SEMA3A: variants seen among roughly 807,000 people sequenced by gnomAD.
The protein encoded by SEMA3A is semaphorin-3A.
Under a neutral mutation model 97.9 loss-of-function variants are expected in SEMA3A, and 29 were observed. That is an observed-to-expected ratio of 0.30 (90% CI 0.22 to 0.40). SEMA3A has a LOEUF of 0.40. Ranked by LOEUF, SEMA3A falls within the 10% of genes least tolerant of loss-of-function variation. The pLI, the probability that SEMA3A is intolerant of heterozygous loss-of-function variation, is 1.00. For missense variants in SEMA3A, 763 were observed against 951.3 expected (o/e 0.80, Z 2.60); for synonymous variants, 321 against 323.7 (o/e 0.99, Z 0.09).
chr7:84,060,609 G>C, intron 4 of SEMA3A, 51 bp from the exon 5 acceptor site: 1 of 1,224,824 alleles, frequency 8.2e-7, no homozygotes, highest in Non-Finnish European at 1.1e-6. Flanking sequence ...ATATAAAAAT[G>C]AGTGTTTTCA....
chr7:84,470,705 C>CTT (rs552618310), intron 1 of SEMA3A, among the ~76,000 whole-genome samples: 30 of 149,344 alleles, frequency 2.0e-4, no homozygotes, highest in African/African-American at 7.1e-4. Flanking sequence ...CTCCAATTAT[C>CTT]TTTTTTTTTT....
At chr7:84,300,619 C>A in intron 3 of SEMA3A, among the ~76,000 whole-genome samples, 1 of 151,472 alleles carries the variant, frequency 6.6e-6, no homozygotes, top group African/African-American at 2.4e-5. Context: ...GACATAAAAG[C>A]AAAAACATTA....
At chr7:84,421,378 T>C (rs933498671) in intron 1 of SEMA3A, among the ~76,000 whole-genome samples, 1 of 151,962 alleles carries the variant, frequency 6.6e-6, no homozygotes. Flanking sequence ...CTAATGGGAG[T>C]TCTTCAAGTT....
intron 1 of SEMA3A, among the ~76,000 whole-genome samples, chr7:84,166,441 C>T (rs2116185662): frequency 6.6e-6 from 1 of 151,640 alleles, no homozygotes; most frequent in Non-Finnish European, 1.5e-5. Flanking sequence ...CGTGGTGGTG[C>T]ATGCCTCTAA....
intron 1 of SEMA3A, among the ~76,000 whole-genome samples, chr7:84,438,496 T>C (rs1805190658): frequency 1.3e-5 from 2 of 152,216 alleles, no homozygotes; most frequent in South Asian, 4.1e-4. Flanking sequence ...CACTCATCTG[T>C]GAACCGTAAT....
At chr7:84,020,367 T>G (rs896345906) in intron 6 of SEMA3A, among the ~76,000 whole-genome samples, 1 of 151,982 alleles carries the variant, frequency 6.6e-6, no homozygotes, top group Non-Finnish European at 1.5e-5. Flanking sequence ...TATTTACTTA[T>G]TTCTCTTTGA....
intron 4 of SEMA3A, among the ~76,000 whole-genome samples, chr7:84,064,985 C>A (rs1793420735): frequency 6.6e-6 from 1 of 152,208 alleles, no homozygotes; most frequent in Admixed American, 6.5e-5. Context: ...GGCACCACAC[C>A]ACACCTATTC....
At chr7:84,239,561 C>A (rs993926643) in intron 3 of SEMA3A, among the ~76,000 whole-genome samples, 5 of 152,068 alleles carry the variant, frequency 3.3e-5, no homozygotes, top group African/African-American at 1.2e-4. Flanking sequence ...ATTTTTAAAG[C>A]ATCTGGTTAT....
intron 13 of SEMA3A, among the ~76,000 whole-genome samples, chr7:83,981,930 C>G (rs1028721560): frequency 1.3e-5 from 2 of 152,186 alleles, no homozygotes; most frequent in Non-Finnish European, 2.9e-5. Context: ...TGTGCCCTTT[C>G]CTATGATATG....
intron 13 of SEMA3A, among the ~76,000 whole-genome samples, chr7:83,984,019 C>T (rs1170701234): frequency 6.6e-6 from 1 of 152,100 alleles, no homozygotes; most frequent in Non-Finnish European, 1.5e-5. Context: ...AAGACACTTT[C>T]TTCTCTCATG....
At chr7:84,226,196 G>T (rs572455311) in intron 3 of SEMA3A, among the ~76,000 whole-genome samples, 1 of 152,096 alleles carries the variant, frequency 6.6e-6, no homozygotes, top group East Asian at 1.9e-4. Flanking sequence ...AAGACATTCT[G>T]TCCCTAGAGA....
chr7:84,326,426 T>C (rs1245212506), intron 2 of SEMA3A, among the ~76,000 whole-genome samples: 1 of 152,146 alleles, frequency 6.6e-6, no homozygotes, highest in Non-Finnish European at 1.5e-5. Context: ...TTTGGATATA[T>C]AACTAAAACC....
chr7:84,282,808 A>G (rs569493), intron 3 of SEMA3A, among the ~76,000 whole-genome samples: 108,781 of 151,750 alleles, frequency 0.72, 39,248 homozygotes, highest in East Asian at 0.79. Context: ...GAGGTCAGGA[A>G]TTTGAAACCA....
intron 1 of SEMA3A, among the ~76,000 whole-genome samples, chr7:84,140,091 T>C (rs1341660675): frequency 6.6e-6 from 1 of 152,084 alleles, no homozygotes; most frequent in Non-Finnish European, 1.5e-5. Context: ...TTCTCATGCA[T>C]GTGTTTTGTT....
intron 5 of SEMA3A, among the ~76,000 whole-genome samples, chr7:84,051,249 A>G (rs1792631447): frequency 6.6e-6 from 1 of 151,882 alleles, no homozygotes; most frequent in African/African-American, 2.4e-5. Flanking sequence ...CTGTGAAGAA[A>G]GTGATTGGTA....
chr7:83,994,354 G>C lies in SEMA3A; in HGVS notation c.1452+7601C>G, dbSNP rs1190626591. On this transcript the variant is annotated intron_variant, in intron 12 of 16. Coordinates refer to ENST00000265362, the MANE Select transcript of SEMA3A (RefSeq NM_006080.3). Reference sequence around the variant, plus strand: ...CTCCATCCAGCTTTGTTCCGTTGCTGGTGAGGAACTGCGTTCCTTGGGAGG... The same window carrying C: ...CTCCATCCAGCTTTGTTCCGTTGCTCGTGAGGAACTGCGTTCCTTGGGAGG... Among the ~76,000 whole-genome samples, 4 of 118,574 alleles carry C rather than the reference G, an allele frequency of 3.4e-5. 1 individual carries two copies. The allele number at this position is 118,574 out of a possible 152,430, so 77.8% of individuals were successfully genotyped here. A position where few individuals can be genotyped will look rare whatever the true frequency, so the allele number is the denominator to read the frequency against.
At chr7:84,142,311 G>C (rs1796319426) in intron 1 of SEMA3A, among the ~76,000 whole-genome samples, 1 of 152,098 alleles carries the variant, frequency 6.6e-6, no homozygotes, top group Non-Finnish European at 1.5e-5. Context: ...TCATGGAAAA[G>C]TAGACAAATA....
At chr7:84,029,068 G>A (rs1385276014) in intron 6 of SEMA3A, among the ~76,000 whole-genome samples, 1 of 152,190 alleles carries the variant, frequency 6.6e-6, no homozygotes, top group African/African-American at 2.4e-5. Flanking sequence ...GGAATATAGT[G>A]CTGAGCACAA....
At chr7:84,001,281 T>TTTCCCTTCACC (rs1790438579) in intron 12 of SEMA3A, among the ~76,000 whole-genome samples, 1 of 152,116 alleles carries the variant, frequency 6.6e-6, no homozygotes, top group South Asian at 2.1e-4. Context: ...AGTTCTCCTC[T>TTTCCCTTCACC]TTCCCTTCAC....
Sources: allele counts gnomAD v4.1 joint callset (sites outside exome capture counted in the v4.1 genomes callset), GRCh38; gene constraint gnomAD v4.1.1; transcripts MANE v1.5; gene names NCBI Gene and HGNC (gene_info 2026-07-23, HGNC 2026-07-21).